Variants in USP13 observed in about 807,000 individuals in gnomAD.
USP13 encodes ubiquitin specific peptidase 13.
In USP13, 68 loss-of-function variants were observed where a neutral mutation model predicts 107.8. The observed-to-expected ratio is 0.63, with a 90% CI of 0.52 to 0.77. The LOEUF is 0.77. Among genes scored for constraint, USP13 ranks in the 30% least tolerant of loss-of-function variants. The pLI is 0.00. For synonymous variants in USP13, 377 were observed against 389.5 expected (o/e 0.97, Z 0.38); for missense variants, 945 against 1,093.3 (o/e 0.86, Z 1.91).
rs569602060 is a variant in USP13, at chr3:179,750,326, G to GTATA, written c.1710-1943_1710-1940dup. ...TGTGTATATATATATATATATGTGT[G>GTATA]TATATATATATATATATATGTATAT... On this transcript the variant is annotated intron_variant, in intron 13 of 20. Coordinates refer to ENST00000263966, the MANE Select transcript of USP13 (RefSeq NM_003940.3). Among the ~76,000 whole-genome samples the GTATA allele has an allele frequency of 2.4e-3, 185 of 75,840 alleles. 2 individuals are homozygous for GTATA. The Middle Eastern group carries it at 0.028, about 12-fold the overall frequency. The allele number at this position is 75,840 out of a possible 152,430, so 49.8% of individuals were successfully genotyped here. A position where few individuals can be genotyped will look rare whatever the true frequency, so the allele number is the denominator to read the frequency against.
At chr3:179,750,981 A>C (rs1040119653) in intron 13 of USP13, among the ~76,000 whole-genome samples, 4 of 152,214 alleles carry the variant, frequency 2.6e-5, no homozygotes, top group Admixed American at 1.3e-4. Flanking sequence ...TTCTAACAGA[A>C]GATGCATTAC....
At chr3:179,681,297 C>A (rs1711644367) in intron 1 of USP13, among the ~76,000 whole-genome samples, 1 of 151,974 alleles carries the variant, frequency 6.6e-6, no homozygotes, top group East Asian at 1.9e-4. Context: ...AGCTGGCGAC[C>A]GAGAGGCAGC....
At chr3:179,719,385 G>C (rs1275142586) in intron 6 of USP13, among the ~76,000 whole-genome samples, 1 of 152,182 alleles carries the variant, frequency 6.6e-6, no homozygotes, top group African/African-American at 2.4e-5. Context: ...CTGAAGGTAG[G>C]AAAGAAGGGA....
intron 8 of USP13, among the ~76,000 whole-genome samples, chr3:179,725,638 A>T (rs1369453259): frequency 6.6e-6 from 1 of 152,204 alleles, no homozygotes; most frequent in South Asian, 2.1e-4. Flanking sequence ...TCATTGCAAA[A>T]ATGCTTTTTC....
intron 16 of USP13, among the ~76,000 whole-genome samples, chr3:179,758,299 C>A (rs1328299028): frequency 2.0e-5 from 3 of 152,120 alleles, no homozygotes; most frequent in African/African-American, 7.2e-5. Flanking sequence ...CCTGCAGGAT[C>A]TCACTCCATG....
intron 19 of USP13, among the ~76,000 whole-genome samples, chr3:179,775,784 A>AG (rs1715510900): frequency 1.3e-5 from 2 of 152,174 alleles, no homozygotes; most frequent in African/African-American, 4.8e-5. Context: ...TGCTGAGCCC[A>AG]TGCTCACCCA....
rs895188835 is a variant in USP13, at chr3:179,662,176, G to C, written c.168+8783G>C. On this transcript the variant is annotated intron_variant, in intron 1 of 20. Coordinates refer to ENST00000263966, the MANE Select transcript of USP13 (RefSeq NM_003940.3). ...ATACATTCTCTTAGTCCCCATGTTC[G>C]TGATGGTGCCTCTATTCTTAACTAA... Among the ~76,000 whole-genome samples the C allele has an allele frequency of 2.0e-5, 3 of 151,522 alleles. No individual in the cohort carries two copies. In the East Asian group the frequency reaches 5.8e-4, roughly 29 times the overall value.
chr3:179,730,027 A>C (rs1365537464), intron 8 of USP13, among the ~76,000 whole-genome samples, 162 bp from the exon 9 acceptor site: 1 of 152,244 alleles, frequency 6.6e-6, no homozygotes, highest in Non-Finnish European at 1.5e-5. Context: ...CAGGAAGGTC[A>C]TGAGTGCTGG....
intron 10 of USP13, 22 bp downstream of exon 10, chr3:179,730,731 A>G (rs1432941029): frequency 1.2e-6 from 2 of 1,606,974 alleles, no homozygotes; most frequent in Non-Finnish European, 1.7e-6. Flanking sequence ...AGCGTTTGCC[A>G]TGTTGACATG....
At chr3:179,662,198 C>T (rs34404148) in intron 1 of USP13, among the ~76,000 whole-genome samples, 1 of 152,020 alleles carries the variant, frequency 6.6e-6, no homozygotes, top group African/African-American at 2.4e-5. Flanking sequence ...CTATTCTTAA[C>T]TAAGCTCATT....
rs924477126 is a variant in USP13 at position 179,721,296 on chromosome 3, A to G, written c.901-106A>G. 20 of 1,249,418 alleles carry G rather than the reference A, an allele frequency of 1.6e-5. No individual in the cohort carries two copies. Among genetic ancestry groups the G allele is most frequent in the South Asian group, 4.7e-5 (3 of 63,534 alleles). 77.4% of individuals were successfully genotyped at this position (1,249,418 alleles called of 1,614,324 possible). A position where few individuals can be genotyped will look rare whatever the true frequency, so the allele number is the denominator to read the frequency against. Reference sequence around the variant, plus strand: ...TGTTTATTTCTCTATGTAATTGGGGAAAAAAATGGCAGAAACATCCTATGC... The same window carrying G: ...TGTTTATTTCTCTATGTAATTGGGGGAAAAAATGGCAGAAACATCCTATGC... On this transcript the variant is annotated intron_variant, in intron 7 of 20. Coordinates refer to ENST00000263966, the MANE Select transcript of USP13 (RefSeq NM_003940.3). This position sits in a 1 kb window ranked among gnomAD's most constrained non-coding sequence, Gnocchi z 4.3.
chr3:179,707,977 G>A (rs1204228340), intron 5 of USP13, among the ~76,000 whole-genome samples: 1 of 152,222 alleles, frequency 6.6e-6, no homozygotes, highest in East Asian at 1.9e-4. Flanking sequence ...GCATATAGTT[G>A]ACGTTTAGCA....
rs1427765921 is a variant in USP13 at position 179,707,053 on chromosome 3, C to T, written c.597C>T (p.Asp199=). 1 of 1,613,852 alleles carries T rather than the reference C, an allele frequency of 6.2e-7. No individual in the cohort carries two copies. Among genetic ancestry groups the T allele is most frequent in the East Asian group, 2.2e-5 (1 of 44,886 alleles). ...ATGCCAACAACCTCACCCAGCTGGA[C>T]AATGGAGTCAGGATTCCTCCAAGGT... is the stretch of plus-strand genomic sequence containing the variant. ...SKYANNLTQL[D]NGVRIPPSGW... is the part of the protein sequence containing the mutation. The change falls in exon 5 of 21, where the codon GAC becomes GAT. Residue 199 remains aspartate, a synonymous_variant. Coordinates refer to ENST00000263966, the MANE Select transcript of USP13 (RefSeq NM_003940.3).
chr3:179,772,720 T>C (rs1715378395), intron 19 of USP13, among the ~76,000 whole-genome samples: 1 of 152,224 alleles, frequency 6.6e-6, no homozygotes, highest in Non-Finnish European at 1.5e-5. Flanking sequence ...AGTAAACTGA[T>C]TTACACTGAA....
chr3:179,705,818 G>GCTCAAGCGATCCTCCTGCCTCAGT, intron 4 of USP13, among the ~76,000 whole-genome samples: 1 of 152,142 alleles, frequency 6.6e-6, no homozygotes. Context: ...TGCCTCCCAG[G>GCTCAAGCGATCCTCCTGCCTCAGT]CTCAAGCGAT....
At chr3:179,706,877 G>A in intron 4 of USP13, 57 bp from the exon 5 acceptor site, 1 of 1,538,684 alleles carries the variant, frequency 6.5e-7, no homozygotes, top group Non-Finnish European at 8.8e-7. Flanking sequence ...CTATTCACTA[G>A]CAAATCGTTA....
intron 1 of USP13, among the ~76,000 whole-genome samples, chr3:179,658,419 T>C (rs13069620): frequency 0.3 from 45,552 of 150,532 alleles, 8,008 homozygotes; most frequent in Non-Finnish European, 0.38. Flanking sequence ...CATAGTTGGC[T>C]CTCTTGTGCT....
chr3:179,786,273 G>T lies in USP13; in HGVS notation c.*2132G>T, dbSNP rs887086197. 2 of 152,154 alleles carry T rather than the reference G, an allele frequency of 1.3e-5. No homozygotes were observed. Among genetic ancestry groups the T allele is most frequent in the African/African-American group, 4.8e-5 (2 of 41,426 alleles). 9.4% of individuals were successfully genotyped at this position (152,154 alleles called of 1,614,324 possible). A position where few individuals can be genotyped will look rare whatever the true frequency, so the allele number is the denominator to read the frequency against. ...ACGTCAAAAATGGCTTGTTTTCAGC[G>T]ATGTTATAAAACAAAGGCCTGTTTT... On this transcript the variant is annotated 3_prime_UTR_variant, in exon 21 of 21. Transcript: ENST00000263966.
chr3:179,707,358 C>T (rs1018460579), intron 5 of USP13, among the ~76,000 whole-genome samples: 2 of 152,050 alleles, frequency 1.3e-5, no homozygotes, highest in Non-Finnish European at 2.9e-5. Flanking sequence ...CCAGTTATGC[C>T]AGTGCACGGG....
Sources: gnomAD v4.1 joint callset for allele counts (sites outside exome capture counted in the v4.1 genomes callset) on GRCh38, gnomAD v4.1.1 for gene constraint, Gnocchi (gnomAD v3.1) non-coding constraint, MANE v1.5 for transcripts, NCBI Gene and HGNC (gene_info 2026-07-23, HGNC 2026-07-21) for gene names.